Variants in MLXIPL observed in about 807,000 individuals in gnomAD.
The protein encoded by MLXIPL is carbohydrate-responsive element-binding protein.
MLXIPL carries 49 observed loss-of-function variants against 81.5 expected under a neutral mutation model. The ratio of observed to expected loss-of-function variants is 0.60; its 90% CI spans 0.48 to 0.76. The LOEUF is 0.76. Ranked by LOEUF, MLXIPL falls within the 30% of genes least tolerant of loss-of-function variation. MLXIPL has a pLI of 0.00. For synonymous variants in MLXIPL, 466 were observed against 485.5 expected, an observed-to-expected ratio of 0.96 and a Z score of 0.53; for missense variants, 1,053 against 1,167.0, an observed-to-expected ratio of 0.90 and a Z score of 1.42.
rs1794262440 is a variant in MLXIPL at position 73,596,038 on chromosome 7, G to C, written c.2059-69C>G. The C allele has an allele frequency of 6.2e-7, 1 of 1,604,430 alleles. No individual in the cohort carries two copies. The highest frequency in any genetic ancestry group is 1.7e-5 in the Admixed American group (1 of 59,488). On this transcript the variant is annotated intron_variant, in intron 13 of 16. Transcript: ENST00000313375. The surrounding 1 kb of genome is among the most constrained non-coding windows in gnomAD (Gnocchi z 4.7). The stretch of plus-strand genomic sequence containing the variant: ...TACCCTGGGACCCACTGAGGCACTG[G>C]GATGGGAGGAGGCAAGAGTGTCTGG...
chr7:73,624,353 A>G lies in MLXIPL; in HGVS notation c.140T>C (p.Ile47Thr), dbSNP rs567832081. Reference protein sequence around the residue: ...SAGGLLRSQVIHSGHFMVSSP... With the variant: ...SAGGLLRSQVTHSGHFMVSSP... The stretch of plus-strand genomic sequence containing the variant: ...CGACACCATGAAGTGACCGCTGTGG[A>G]TGACCTGCGAGCGGAGCAAGCCGCC... The change falls in exon 1 of 17, where the codon ATC becomes ACC. Residue 47 changes from isoleucine (I) to threonine (T), a missense_variant. Around this residue, in one of 3 missense-constraint regions of MLXIPL, gnomAD observed 226 missense variants for 216.2 expected, o/e 1.05. Coordinates refer to ENST00000313375, the MANE Select transcript of MLXIPL (RefSeq NM_032951.3). 1 of 1,584,768 alleles carries G rather than the reference A, an allele frequency of 6.3e-7. No individual in the cohort carries two copies. Among genetic ancestry groups the G allele is most frequent in the African/African-American group, 1.3e-5 (1 of 74,606 alleles).
chr7:73,619,324 G>A (rs1796181310), intron 1 of MLXIPL, among the ~76,000 whole-genome samples: 1 of 152,090 alleles, frequency 6.6e-6, no homozygotes, highest in South Asian at 2.1e-4. Flanking sequence ...AGCCGGACGT[G>A]GTGGCAGGCG....
At chr7:73,598,417 C>A (rs182829178) in intron 8 of MLXIPL, among the ~76,000 whole-genome samples, 1 of 152,266 alleles carries the variant, frequency 6.6e-6, no homozygotes, top group Admixed American at 6.5e-5. Flanking sequence ...ACTTAACCAC[C>A]AATGAACCCA....
chr7:73,598,455 A>G (rs79624003), intron 8 of MLXIPL, among the ~76,000 whole-genome samples: 15,531 of 152,040 alleles, frequency 0.1, 877 homozygotes, highest in Middle Eastern at 0.13. Context: ...CTATTCATCT[A>G]TGTATCCATC....
intron 5 of MLXIPL, 91 bp from the exon 6 acceptor site, chr7:73,606,202 G>A (rs1795271424): frequency 3.7e-6 from 5 of 1,344,960 alleles, no homozygotes; most frequent in South Asian, 1.2e-5. Flanking sequence ...TGGTCAGCAG[G>A]ACAGAGGGTC....
chr7:73,597,844 A>G lies in MLXIPL; in HGVS notation c.1072-131T>C. 5.8e-6 allele frequency: 3 copies of G among 516,672 alleles called. No homozygotes were observed. In the South Asian group the frequency reaches 2.6e-4, roughly 45 times the overall value. The allele number at this position is 516,672 out of a possible 1,614,324, so 32.0% of individuals were successfully genotyped here. On this transcript the variant is annotated intron_variant, in intron 8 of 16. Transcript: ENST00000313375. The stretch of plus-strand genomic sequence containing the variant: ...GGGGCCCTGGGGAGAGATAGGAGAA[A>G]TGAGCCCTGCCTTCCAACACACACA...
the MLXIPL span, among the ~76,000 whole-genome samples, chr7:73,632,743 T>TTTCCCTCC: frequency 7.5e-6 from 1 of 133,946 alleles, no homozygotes; most frequent in African/African-American, 2.8e-5. Context: ...TCCTTCCTTC[T>TTTCCCTCC]TTCCTTCCTT....
chr7:73,622,842 G>C (rs1418020436), intron 1 of MLXIPL, among the ~76,000 whole-genome samples: 1 of 152,070 alleles, frequency 6.6e-6, no homozygotes, highest in Non-Finnish European at 1.5e-5. Context: ...TTGGAAGTGA[G>C]GCCCCCTCCC....
In MLXIPL at chr7:73,593,605, AAC is replaced by A; in HGVS notation, c.*258_*259del. 1 of 459,078 alleles carries A rather than the reference AAC, an allele frequency of 2.2e-6. No homozygotes were observed. The highest frequency in any genetic ancestry group is 2.1e-5 in the South Asian group (1 of 48,112). The allele number at this position is 459,078 out of a possible 1,614,324, so 28.4% of individuals were successfully genotyped here. ...TCCCCATCCCCATTTTGCAGATTGA[AAC>A]ACAGCGGTCCAAAGACAGCGGACGA... On this transcript the variant is annotated 3_prime_UTR_variant, in exon 17 of 17. Coordinates refer to ENST00000313375, the MANE Select transcript of MLXIPL (RefSeq NM_032951.3).
chr7:73,619,170 G>A (rs539480381), intron 1 of MLXIPL, among the ~76,000 whole-genome samples: 6 of 152,080 alleles, frequency 3.9e-5, no homozygotes, highest in Admixed American at 2.0e-4. Flanking sequence ...CAGTTAAAAA[G>A]TTAGCTGGGG....
At chr7:73,602,724 C>T (rs1794982808) in intron 7 of MLXIPL, among the ~76,000 whole-genome samples, 1 of 152,104 alleles carries the variant, frequency 6.6e-6, no homozygotes, top group African/African-American at 2.4e-5. Context: ...GTCACTGCTG[C>T]TCCCCCATCT....
At chr7:73,643,308 A>G in the MLXIPL span, among the ~76,000 whole-genome samples, 1 of 152,052 alleles carries the variant, frequency 6.6e-6, no homozygotes, top group South Asian at 2.1e-4. Flanking sequence ...AGGTCAGGAG[A>G]TCGAGACCAG....
the MLXIPL span, among the ~76,000 whole-genome samples, chr7:73,645,328 C>G: frequency 2.0e-5 from 3 of 152,232 alleles, no homozygotes; most frequent in African/African-American, 4.8e-5. Context: ...GCCTCTGGCC[C>G]TAGGGCAGTA....
upstream of MLXIPL, chr7:73,624,679 G>A (rs1796621806): frequency 1.1e-5 from 13 of 1,207,870 alleles, no homozygotes; most frequent in South Asian, 2.4e-4. Context: ...GTGCTCTGGA[G>A]CTCTGGCGGG....
intron 1 of MLXIPL, 47 bp downstream of exon 1, chr7:73,624,153 A>AAAC: frequency 2.0e-6 from 1 of 492,162 alleles, no homozygotes; most frequent in Non-Finnish European, 2.9e-6. Flanking sequence ...CCCCCCCCCC[A>AAAC]TCCCCACCTG....
rs1365545544 is a variant in MLXIPL at position 73,593,937 on chromosome 7, C to G, written c.2487G>C (p.Leu829=). 18 of 1,613,936 alleles carry G rather than the reference C, an allele frequency of 1.1e-5. No homozygotes were observed. Among genetic ancestry groups the G allele is most frequent in the Non-Finnish European group, 1.4e-5 (17 of 1,180,018 alleles). Reference sequence around the variant, plus strand: ...GCTCAGGGATGCGGCCCGGGTCGGTCAGGATACTGGTAGATGTGCCCAGCT... The same window carrying G: ...GCTCAGGGATGCGGCCCGGGTCGGTGAGGATACTGGTAGATGTGCCCAGCT... ...LRQLGTSTSI[L]TDPGRIPEQA... The change falls in exon 17 of 17, where the codon CTG becomes CTC. Residue 829 remains leucine, a synonymous_variant. Coordinates refer to ENST00000313375, the MANE Select transcript of MLXIPL (RefSeq NM_032951.3).
intron 2 of MLXIPL, among the ~76,000 whole-genome samples, chr7:73,614,572 A>G (rs1278749171): frequency 6.6e-6 from 1 of 152,180 alleles, no homozygotes; most frequent in Non-Finnish European, 1.5e-5. Flanking sequence ...GCAGCCTTTG[A>G]TCCTGCAGCA....
At chr7:73,640,828 C>A in the MLXIPL span, among the ~76,000 whole-genome samples, 5 of 150,596 alleles carry the variant, frequency 3.3e-5, no homozygotes, top group Admixed American at 6.6e-5. Context: ...GGCATGGGAA[C>A]CCTCTCCCTC....
rs372090736 is a variant in MLXIPL at position 73,605,785 on chromosome 7, C to T, written c.821-17G>A. Reference sequence around the variant, plus strand: ...CGACGTAGGCTGGAGGCAGCAGTGGCGACATCAGCAGCAGCAGGCAGGGAG... The same window carrying T: ...CGACGTAGGCTGGAGGCAGCAGTGGTGACATCAGCAGCAGCAGGCAGGGAG... On this transcript the variant is annotated splice_polypyrimidine_tract_variant and intron_variant, in intron 6 of 16. Transcript: ENST00000313375. 514 of 1,611,664 alleles carry T rather than the reference C, an allele frequency of 3.2e-4. 1 individual carries two copies. Among genetic ancestry groups the T allele is most frequent in the Middle Eastern group, 1.8e-3 (11 of 6,016 alleles).
Sources: gnomAD v4.1 joint callset for allele counts (sites outside exome capture counted in the v4.1 genomes callset) on GRCh38, gnomAD v4.1.1 for gene constraint, gnomAD v4.1.1 regional missense constraint, Gnocchi (gnomAD v3.1) non-coding constraint, MANE v1.5 for transcripts, NCBI Gene and HGNC (gene_info 2026-07-23, HGNC 2026-07-21) for gene names.